The following HMMR variants were observed in gnomAD, a reference collection of about 807,000 sequenced individuals.
HMMR encodes the protein intracellular hyaluronic acid-binding protein.
HMMR carries 108 observed loss-of-function variants against 101.0 expected under a neutral mutation model. The ratio of observed to expected loss-of-function variants is 1.07; its 90% CI spans 0.92 to 1.25. The LOEUF (loss-of-function observed/expected upper bound fraction) is 1.25, where lower values mean the gene tolerates loss of function less well. HMMR is among the 50% of genes most tolerant of loss of function. The probability of loss-of-function intolerance (pLI) is 0.00; values close to 1 mark genes in which losing one functional copy is unlikely to be tolerated. For missense variants in HMMR, 813 were observed against 788.7 expected (o/e 1.03, Z -0.37); for synonymous variants, 296 against 276.4 (o/e 1.07, Z -0.70).
chr5:163,477,068 G>A (rs865882221), intron 11 of HMMR, among the ~76,000 whole-genome samples: 30 of 152,154 alleles, frequency 2.0e-4, no homozygotes, highest in Admixed American at 9.8e-4. Context: ...CTTTTTTCCC[G>A]AACTCTAGTT....
At chr5:163,483,495 G>T in intron 15 of HMMR, 128 bp downstream of exon 15, 1 of 550,182 alleles carries the variant, frequency 1.8e-6, no homozygotes, top group Non-Finnish European at 3.3e-6. Flanking sequence ...TGCCAATTTA[G>T]CTCACTATTA....
At chr5:163,486,628 C>A (rs1327139720) in intron 16 of HMMR, among the ~76,000 whole-genome samples, 1 of 152,110 alleles carries the variant, frequency 6.6e-6, no homozygotes, top group Non-Finnish European at 1.5e-5. Flanking sequence ...TCTAATATCT[C>A]TGGCTAAAAC....
At chr5:163,483,414 A>G in intron 15 of HMMR, 47 bp downstream of exon 15, 1 of 1,044,960 alleles carries the variant, frequency 9.6e-7, no homozygotes, top group Non-Finnish European at 1.5e-6. Flanking sequence ...TTAGGGACTC[A>G]CTTTGTTCCC....
intron 3 of HMMR, chr5:163,465,028 C>T (rs915609949): frequency 3.3e-5 from 16 of 479,942 alleles, no homozygotes; most frequent in African/African-American, 3.0e-4. Context: ...CTTCAATTCT[C>T]AATCACTTCT....
intron 9 of HMMR, 101 bp from the exon 10 acceptor site, chr5:163,473,956 C>G: frequency 1.1e-6 from 1 of 894,344 alleles, no homozygotes. Context: ...TTTGGAAATA[C>G]CATGCTAAAA....
At position 163,483,045 on chromosome 5, in the gene HMMR, T is replaced by C. The variant is rs751425187; in HGVS notation, c.1558T>C (p.Ser520Pro). 3 of 1,609,984 alleles carry C rather than the reference T, an allele frequency of 1.9e-6. No individual in the cohort carries two copies. Among genetic ancestry groups the C allele is most frequent in the Admixed American group, 1.7e-5 (1 of 58,958 alleles). Residue 520 changes from serine (S) to proline (P), a missense_variant, in exon 14 of 18, where the codon TCA becomes CCA. Ser to Pro is a moderately conservative substitution (Grantham distance 74, BLOSUM62 -1). Coordinates refer to ENST00000393915, the MANE Select transcript of HMMR (RefSeq NM_001142556.2). The stretch of plus-strand genomic sequence containing the variant: ...GATGCTTCTAGATCTGCAGACCAAG[T>C]CAGCACTAAAGGAAACAGAAATTAA... Reference protein sequence around the residue: ...VRMLLDLQTKSALKETEIKEI... With the variant: ...VRMLLDLQTKPALKETEIKEI...
intron 1 of HMMR, among the ~76,000 whole-genome samples, chr5:163,462,137 A>G (rs1758561004): frequency 6.6e-6 from 1 of 152,114 alleles, no homozygotes; most frequent in Non-Finnish European, 1.5e-5. Flanking sequence ...TAATCAAAGG[A>G]CCTACTCTTA....
rs375640258 is a variant in HMMR, at chr5:163,478,102, A to C, written c.1269-582A>C. On this transcript the variant is annotated intron_variant, in intron 11 of 17. Coordinates refer to ENST00000393915, the MANE Select transcript of HMMR (RefSeq NM_001142556.2). ...AATTTTATCACCACTTTGGAAATAT[A>C]TTATTTCCAAAATATCCCTGAGATT... Among the ~76,000 whole-genome samples the C allele has an allele frequency of 1.4e-4, 21 of 152,292 alleles. No individual in the cohort carries two copies. The East Asian group carries it at 2.3e-3, about 17-fold the overall frequency.
chr5:163,478,817 C>A lies in HMMR; in HGVS notation c.1385+17C>A. The A allele has an allele frequency of 1.5e-6, 2 of 1,339,944 alleles. No individual in the cohort carries two copies. The highest frequency in any genetic ancestry group is 1.1e-6 in the Non-Finnish European group (1 of 929,812). The allele number at this position is 1,339,944 out of a possible 1,614,324, so 83.0% of individuals were successfully genotyped here. A position where few individuals can be genotyped will look rare whatever the true frequency, so the allele number is the denominator to read the frequency against. ...ATTTGAAAGGTATTTTTCTTGGGAG[C>A]CTGCACTCTTAAATATGATGTGTGC... On this transcript the variant is annotated intron_variant, in intron 12 of 17. Transcript: ENST00000393915.
intron 11 of HMMR, among the ~76,000 whole-genome samples, chr5:163,477,885 T>C (rs1380583228): frequency 1.3e-5 from 2 of 152,204 alleles, no homozygotes; most frequent in Non-Finnish European, 2.9e-5. Context: ...ATAAACTCTT[T>C]AGTCATATTT....
intron 15 of HMMR, 55 bp downstream of exon 15, chr5:163,483,422 C>G: frequency 1.0e-6 from 1 of 990,466 alleles, no homozygotes; most frequent in Non-Finnish European, 1.6e-6. Context: ...TCACTTTGTT[C>G]CCTATTATAG....
chr5:163,461,914 G>A (rs1581184653), intron 1 of HMMR, among the ~76,000 whole-genome samples: 1 of 146,764 alleles, frequency 6.8e-6, no homozygotes, highest in African/African-American at 2.5e-5. Context: ...TTTGTATCTT[G>A]CACAATCAGT....
In HMMR at chr5:163,463,856, G is replaced by C. The variant is rs1357826243; in HGVS notation, c.47G>C (p.Gly16Ala). Reference sequence around the variant, plus strand: ...TATTAATGTTTTCTATTTCCTCTAGGTTGTGCACCATCTCCAGGTGCTTAT... The same window carrying C: ...TATTAATGTTTTCTATTTCCTCTAGCTTGTGCACCATCTCCAGGTGCTTAT... ...APLKRFNDPS[G>A]CAPSPGAYDV... is the part of the protein sequence containing the mutation. Residue 16 changes from glycine to alanine, a missense_variant and splice_region_variant, in exon 2 of 18, where the codon GGT becomes GCT. Physicochemically the swap from Gly to Ala is moderately conservative, Grantham distance 60. Coordinates refer to ENST00000393915, the MANE Select transcript of HMMR (RefSeq NM_001142556.2). 2 of 1,369,290 alleles carry C rather than the reference G, an allele frequency of 1.5e-6. No individual in the cohort carries two copies. The highest frequency in any genetic ancestry group is 5.3e-5 in the East Asian group (2 of 37,630). The allele number at this position is 1,369,290 out of a possible 1,614,324, so 84.8% of individuals were successfully genotyped here.
chr5:163,482,872 TTGG>T, intron 13 of HMMR, 84 bp downstream of exon 13: 1 of 1,402,482 alleles, frequency 7.1e-7, no homozygotes, highest in Non-Finnish European at 9.9e-7. Flanking sequence ...TGGCTTGCTT[TTGG>T]CCATCTTATA....
rs557470765 is a variant in HMMR, at chr5:163,471,483, G to T, written c.650+20G>T. On this transcript the variant is annotated intron_variant, in intron 7 of 17. Coordinates refer to ENST00000393915, the MANE Select transcript of HMMR (RefSeq NM_001142556.2). ...AAAACTGTAAGTGAGTGAATGTGAA[G>T]AGAAATTGTTAAGTGGAAGCAATTC... 6.6e-7 allele frequency: 1 copy of T among 1,518,012 alleles called. No homozygotes were observed. Among genetic ancestry groups the T allele is most frequent in the African/African-American group, 1.4e-5 (1 of 73,026 alleles). 94.0% of individuals were successfully genotyped at this position (1,518,012 alleles called of 1,614,324 possible). A position where few individuals can be genotyped will look rare whatever the true frequency, so the allele number is the denominator to read the frequency against.
Position 163,474,071 on chromosome 5 carries a change from A to G in HMMR, c.919A>G (p.Arg307Gly). The G allele has an allele frequency of 1.2e-6, 2 of 1,608,988 alleles. No individual in the cohort carries two copies. Among genetic ancestry groups the G allele is most frequent in the Non-Finnish European group, 8.5e-7 (1 of 1,177,678 alleles). ...GCGTTTTCTAGAAGACCATGTCAAC[A>G]GGAATAGAGAACACAACGAAAATCT... ...LEKEKEDHVN[R>G]NREHNENLNA... Residue 307 changes from arginine (R) to glycine (G), a missense_variant, in exon 10 of 18, where the codon AGG (arginine) becomes GGG (glycine). Physicochemically the swap from Arg to Gly is moderately radical, Grantham distance 125. Transcript: ENST00000393915.
chr5:163,489,103 G>A (rs1328401598), intron 16 of HMMR: 1 of 152,236 alleles, frequency 6.6e-6, no homozygotes, highest in Non-Finnish European at 1.5e-5. Context: ...TGAGGCATTA[G>A]ATTCTCATAA....
intron 16 of HMMR, among the ~76,000 whole-genome samples, chr5:163,487,947 C>G (rs911167184): frequency 2.0e-5 from 3 of 152,084 alleles, no homozygotes; most frequent in African/African-American, 7.2e-5. Flanking sequence ...CTCAACCTCC[C>G]TGGGCTCAGG....
intron 16 of HMMR, among the ~76,000 whole-genome samples, chr5:163,487,380 C>T (rs1346784381): frequency 2.0e-5 from 3 of 150,650 alleles, no homozygotes; most frequent in African/African-American, 7.3e-5. Flanking sequence ...GTTTTCTTTG[C>T]TTTGTTTTTG....
Sources: allele counts gnomAD v4.1 joint callset (sites outside exome capture counted in the v4.1 genomes callset), GRCh38; gene constraint gnomAD v4.1.1; transcripts MANE v1.5; gene names NCBI Gene and HGNC (gene_info 2026-07-23, HGNC 2026-07-21).